The following IFNE variants were observed in gnomAD, a reference collection of about 807,000 sequenced individuals.
IFNE encodes IFN-epsilon.
For synonymous variants in IFNE, 94 were observed against 87.4 expected (o/e 1.08, Z -0.42); for missense variants, 276 against 232.4 (o/e 1.19, Z -1.22).
At position 21,481,481 on chromosome 9, in the gene IFNE, A is replaced by ACTG. The variant is rs756831099; in HGVS notation, c.211_213dup (p.Gln71dup). ...ATGGCCAGAGTGTGTCCTTTTTGGTACTGCTGAGGACTCAAAGACTTCTGA... is the reference window on the plus strand; with the variant it reads ...ATGGCCAGAGTGTGTCCTTTTTGGTACTGCTGCTGAGGACTCAAAGACTTCTGA... On this transcript the variant is annotated inframe_insertion, in exon 1 of 1. Coordinates refer to ENST00000448696, the MANE Select transcript of IFNE (RefSeq NM_176891.5). The ACTG allele has an allele frequency of 1.2e-6, 2 of 1,614,100 alleles. No homozygotes were observed. Among genetic ancestry groups the ACTG allele is most frequent in the Non-Finnish European group, 8.5e-7 (1 of 1,179,986 alleles).
chr9:21,481,723 T>A lies in IFNE; in HGVS notation c.-29A>T. The A allele has an allele frequency of 6.4e-7, 1 of 1,567,890 alleles. No individual in the cohort carries two copies. Among genetic ancestry groups the A allele is most frequent in the Non-Finnish European group, 8.6e-7 (1 of 1,158,286 alleles). On this transcript the variant is annotated 5_prime_UTR_variant, in exon 1 of 1. Transcript: ENST00000448696. Reference sequence around the variant, plus strand: ...GAAGGTCAAATATGCTACTTATCCCTGCATAGACTTAGGGAAATTCCAGCT... The same window carrying A: ...GAAGGTCAAATATGCTACTTATCCCAGCATAGACTTAGGGAAATTCCAGCT...
Position 21,481,840 on chromosome 9 carries a change from T to C in IFNE, c.-146A>G. 1.4e-6 allele frequency: 1 copy of C among 718,692 alleles called. No individual in the cohort carries two copies. Among genetic ancestry groups the C allele is most frequent in the Non-Finnish European group, 2.3e-6 (1 of 435,558 alleles). The allele number at this position is 718,692 out of a possible 1,614,324, so 44.5% of individuals were successfully genotyped here. A position where few individuals can be genotyped will look rare whatever the true frequency, so the allele number is the denominator to read the frequency against. Reference sequence around the variant, plus strand: ...TTTTCTAATGTCATTTCTCCAAGTTTACACATTAGATTTTCAGGTTCCCTT... The same window carrying C: ...TTTTCTAATGTCATTTCTCCAAGTTCACACATTAGATTTTCAGGTTCCCTT... On this transcript the variant is annotated 5_prime_UTR_variant, in exon 1 of 1. Transcript: ENST00000448696.
At position 21,481,029 on chromosome 9, in the gene IFNE, T is replaced by C; in HGVS notation, c.*39A>G. Reference sequence around the variant, plus strand: ...TACTATAAATTGTATTACCACTCTATGAAGAATCATGTCTGGAGAAGTCCT... The same window carrying C: ...TACTATAAATTGTATTACCACTCTACGAAGAATCATGTCTGGAGAAGTCCT... On this transcript the variant is annotated 3_prime_UTR_variant, in exon 1 of 1. Coordinates refer to ENST00000448696, the MANE Select transcript of IFNE (RefSeq NM_176891.5). 7 of 1,496,974 alleles carry C rather than the reference T, an allele frequency of 4.7e-6. No homozygotes were observed. The highest frequency in any genetic ancestry group is 6.3e-6 in the Non-Finnish European group (7 of 1,109,176). The allele number at this position is 1,496,974 out of a possible 1,614,324, so 92.7% of individuals were successfully genotyped here.
In IFNE at chr9:21,481,828, T is replaced by C; in HGVS notation, c.-134A>G. Reference sequence around the variant, plus strand: ...TTGTTGCTTTCGTTTTCTAATGTCATTTCTCCAAGTTTACACATTAGATTT... The same window carrying C: ...TTGTTGCTTTCGTTTTCTAATGTCACTTCTCCAAGTTTACACATTAGATTT... On this transcript the variant is annotated 5_prime_UTR_variant, in exon 1 of 1. An upstream start codon of the reference 5' UTR is lost. Transcript: ENST00000448696. 5.2e-6 allele frequency: 4 copies of C among 775,048 alleles called. No individual in the cohort carries two copies. The highest frequency in any genetic ancestry group is 8.3e-6 in the Non-Finnish European group (4 of 483,690). 48.0% of individuals were successfully genotyped at this position (775,048 alleles called of 1,614,324 possible).
rs558306979 is a variant in IFNE at position 21,481,550 on chromosome 9, A to T, written c.145T>A (p.Ser49Thr). The change falls in exon 1 of 1, where the codon TCA becomes ACA. Residue 49 changes from serine to threonine, a missense_variant. Transcript: ENST00000448696. ...LKLLNKLQTL[S>T]IQQCLPHRKN... Reference sequence around the variant, plus strand: ...CTGTGTGGTAGACACTGCTGAATTGACAAGGTTTGCAACTTATTCAAGAGT... The same window carrying T: ...CTGTGTGGTAGACACTGCTGAATTGTCAAGGTTTGCAACTTATTCAAGAGT... The T allele has an allele frequency of 6.2e-7, 1 of 1,614,120 alleles. No individual in the cohort carries two copies. Among genetic ancestry groups the T allele is most frequent in the African/African-American group, 1.3e-5 (1 of 75,052 alleles).
Position 21,481,535 on chromosome 9 carries a change from G to A in IFNE, c.160C>T (p.Leu54=), listed in dbSNP as rs1819043441. ...KLQTLSIQQC[L]PHRKNFLLPQ... The stretch of plus-strand genomic sequence containing the variant: ...AGCAGAAAGTTTTTCCTGTGTGGTA[G>A]ACACTGCTGAATTGACAAGGTTTGC... The change falls in exon 1 of 1, where the codon CTA becomes TTA. Residue 54 remains leucine, a synonymous_variant. Coordinates refer to ENST00000448696, the MANE Select transcript of IFNE (RefSeq NM_176891.5). 6.2e-7 allele frequency: 1 copy of A among 1,613,958 alleles called. No homozygotes were observed. The highest frequency in any genetic ancestry group is 1.7e-5 in the Admixed American group (1 of 60,004).
Position 21,482,126 on chromosome 9 carries a change from T to TA in IFNE, c.-433dup, listed in dbSNP as rs34814436. The TA allele has an allele frequency of 0.26, 43,457 of 168,634 alleles. 6,099 individuals carry two copies. The highest frequency in any genetic ancestry group is 0.33 in the Middle Eastern group (101 of 302). The allele number at this position is 168,634 out of a possible 1,614,324, so 10.4% of individuals were successfully genotyped here. Reference sequence around the variant, plus strand: ...TAATAGTCTTTCATGGAGTAAAACTTACCAAAGGCTTATCAGCACCTATAA... The same window carrying TA: ...TAATAGTCTTTCATGGAGTAAAACTTAACCAAAGGCTTATCAGCACCTATAA... On this transcript the variant is annotated 5_prime_UTR_variant, in exon 1 of 1. Transcript: ENST00000448696.
chr9:21,481,962 G>T lies in IFNE; in HGVS notation c.-268C>A. On this transcript the variant is annotated 5_prime_UTR_variant, in exon 1 of 1. Transcript: ENST00000448696. ...CTTATTCATTGTATGCTTTCCTTGA[G>T]GCAATTACAGACTAGTCATCCAACA... is the stretch of plus-strand genomic sequence containing the variant. The T allele has an allele frequency of 2.6e-6, 1 of 377,648 alleles. No individual in the cohort carries two copies. The allele number at this position is 377,648 out of a possible 1,614,324, so 23.4% of individuals were successfully genotyped here.
Position 21,481,479 on chromosome 9 carries a change from G to A in IFNE, c.216C>T (p.Tyr72=), listed in dbSNP as rs528864482. ...LPQKSLSPQQ[Y]QKGHTLAILH... ...GAATGGCCAGAGTGTGTCCTTTTTG[G>A]TACTGCTGAGGACTCAAAGACTTCT... Residue 72 remains tyrosine, a synonymous_variant, in exon 1 of 1, where the codon TAC becomes TAT. Transcript: ENST00000448696. 6.2e-7 allele frequency: 1 copy of A among 1,614,068 alleles called. No homozygotes were observed. The highest frequency in any genetic ancestry group is 1.3e-5 in the African/African-American group (1 of 75,036).
At position 21,481,572 on chromosome 9, in the gene IFNE, G is replaced by A. The variant is rs1318530759; in HGVS notation, c.123C>T (p.Leu41=). The change falls in exon 1 of 1, where the codon CTC becomes CTT. Residue 41 remains leucine, a synonymous_variant. Transcript: ENST00000448696. The stretch of plus-strand genomic sequence containing the variant: ...TTGACAAGGTTTGCAACTTATTCAA[G>A]AGTTTTAAACTTTCTTGATTCACTT... The part of the protein sequence containing the change: ...QRQVNQESLK[L]LNKLQTLSIQ... 3.1e-6 allele frequency: 5 copies of A among 1,613,988 alleles called. No individual in the cohort carries two copies. The highest frequency in any genetic ancestry group is 1.3e-5 in the African/African-American group (1 of 74,918).
Position 21,480,906 on chromosome 9 carries a change from TA to T in IFNE, c.*161del. ...AACAATTTAAAATGGATAGAATATA[TA>T]AAGCCACATTACAAAATAAAAACAA... On this transcript the variant is annotated 3_prime_UTR_variant, in exon 1 of 1. Coordinates refer to ENST00000448696, the MANE Select transcript of IFNE (RefSeq NM_176891.5). 1 of 557,696 alleles carries T rather than the reference TA, an allele frequency of 1.8e-6. No individual in the cohort carries two copies. Among genetic ancestry groups the T allele is most frequent in the Non-Finnish European group, 3.1e-6 (1 of 326,244 alleles). 34.5% of individuals were successfully genotyped at this position (557,696 alleles called of 1,614,324 possible). A position where few individuals can be genotyped will look rare whatever the true frequency, so the allele number is the denominator to read the frequency against.
In IFNE at chr9:21,482,178, CCTA is replaced by C. The variant is rs1819063857; in HGVS notation, c.-487_-485del. 1 of 167,110 alleles carries C rather than the reference CCTA, an allele frequency of 6.0e-6. No homozygotes were observed. Among genetic ancestry groups the C allele is most frequent in the Non-Finnish European group, 1.5e-5 (1 of 68,238 alleles). 10.4% of individuals were successfully genotyped at this position (167,110 alleles called of 1,614,324 possible). A position where few individuals can be genotyped will look rare whatever the true frequency, so the allele number is the denominator to read the frequency against. ...GAATTCAGGGGCAAAACTTAAAATA[CCTA>C]CAAACTACTAAATTTAAAACCTCAA... On this transcript the variant is annotated 5_prime_UTR_variant, in exon 1 of 1. Transcript: ENST00000448696.
chr9:21,481,542 C>T lies in IFNE; in HGVS notation c.153G>A (p.Gln51=), dbSNP rs770985494. The T allele has an allele frequency of 6.2e-7, 1 of 1,614,100 alleles. No homozygotes were observed. The highest frequency in any genetic ancestry group is 1.7e-5 in the Admixed American group (1 of 60,028). ...AGTTTTTCCTGTGTGGTAGACACTG[C>T]TGAATTGACAAGGTTTGCAACTTAT... ...LLNKLQTLSI[Q]QCLPHRKNFL... Residue 51 remains glutamine, a synonymous_variant, in exon 1 of 1, where the codon CAG becomes CAA. Transcript: ENST00000448696.
Position 21,481,897 on chromosome 9 carries a change from T to A in IFNE, c.-203A>T, listed in dbSNP as rs1223511514. On this transcript the variant is annotated 5_prime_UTR_variant, in exon 1 of 1. The change creates a premature stop within an existing upstream ORF in the 5' untranslated region. Transcript: ENST00000448696. ...GTGTTCAGAGTACATTTTCTCCATT[T>A]CCCTATTGTGTTGGCTATTTTGAGG... is the stretch of plus-strand genomic sequence containing the variant. 7.1e-6 allele frequency: 4 copies of A among 561,730 alleles called. No individual in the cohort carries two copies. The highest frequency in any genetic ancestry group is 1.3e-5 in the Non-Finnish European group (4 of 314,116). 34.8% of individuals were successfully genotyped at this position (561,730 alleles called of 1,614,324 possible).
At position 21,481,758 on chromosome 9, in the gene IFNE, G is replaced by A; in HGVS notation, c.-64C>T. On this transcript the variant is annotated 5_prime_UTR_variant, in exon 1 of 1. Coordinates refer to ENST00000448696, the MANE Select transcript of IFNE (RefSeq NM_176891.5). The stretch of plus-strand genomic sequence containing the variant: ...TAGGGAAATTCCAGCTCTAGTGAAT[G>A]TTTGCCTTTCATGCATCTCAGATTA... 1 of 1,433,360 alleles carries A rather than the reference G, an allele frequency of 7.0e-7. No homozygotes were observed. The highest frequency in any genetic ancestry group is 9.5e-7 in the Non-Finnish European group (1 of 1,055,920). The allele number at this position is 1,433,360 out of a possible 1,614,324, so 88.8% of individuals were successfully genotyped here. A position where few individuals can be genotyped will look rare whatever the true frequency, so the allele number is the denominator to read the frequency against.
rs1819055753 is a variant in IFNE at position 21,481,762 on chromosome 9, G to A, written c.-68C>T. ...GAAATTCCAGCTCTAGTGAATGTTT[G>A]CCTTTCATGCATCTCAGATTATTTT... On this transcript the variant is annotated 5_prime_UTR_variant, in exon 1 of 1. It introduces an in-frame stop codon into an upstream open reading frame of the 5' UTR. Coordinates refer to ENST00000448696, the MANE Select transcript of IFNE (RefSeq NM_176891.5). 2 of 1,348,610 alleles carry A rather than the reference G, an allele frequency of 1.5e-6. No homozygotes were observed. The highest frequency in any genetic ancestry group is 2.0e-6 in the Non-Finnish European group (2 of 979,754). The allele number at this position is 1,348,610 out of a possible 1,614,324, so 83.5% of individuals were successfully genotyped here. A position where few individuals can be genotyped will look rare whatever the true frequency, so the allele number is the denominator to read the frequency against.
rs1586996541 is a variant in IFNE at position 21,481,973 on chromosome 9, A to G, written c.-279T>C. The G allele has an allele frequency of 2.8e-6, 1 of 353,612 alleles. No individual in the cohort carries two copies. Among genetic ancestry groups the G allele is most frequent in the East Asian group, 5.7e-5 (1 of 17,554 alleles). The allele number at this position is 353,612 out of a possible 1,614,324, so 21.9% of individuals were successfully genotyped here. A position where few individuals can be genotyped will look rare whatever the true frequency, so the allele number is the denominator to read the frequency against. On this transcript the variant is annotated 5_prime_UTR_variant, in exon 1 of 1. Coordinates refer to ENST00000448696, the MANE Select transcript of IFNE (RefSeq NM_176891.5). ...TATGCTTTCCTTGAGGCAATTACAG[A>G]CTAGTCATCCAACATAATCTTTTAT...
rs759800001 is a variant in IFNE, at chr9:21,481,463, G to C, written c.232C>G (p.Leu78Val). ...TGAAGCATCTCATGGAGAATGGCCA[G>C]AGTGTGTCCTTTTTGGTACTGCTGA... ...SPQQYQKGHT[L>V]AILHEMLQQI... The change falls in exon 1 of 1, where the codon CTG becomes GTG. Residue 78 changes from leucine to valine, a missense_variant. Leu to Val is a conservative substitution (Grantham distance 32). Transcript: ENST00000448696. 6.2e-7 allele frequency: 1 copy of C among 1,614,130 alleles called. No individual in the cohort carries two copies. The highest frequency in any genetic ancestry group is 1.1e-5 in the South Asian group (1 of 91,078).
chr9:21,481,424 G>A lies in IFNE; in HGVS notation c.271C>T (p.Leu91Phe), dbSNP rs533254207. Residue 91 changes from leucine to phenylalanine, a missense_variant, in exon 1 of 1, where the codon CTC (leucine) becomes TTC (phenylalanine). Physicochemically the swap from Leu to Phe is conservative, Grantham distance 22 (BLOSUM62 0). Coordinates refer to ENST00000448696, the MANE Select transcript of IFNE (RefSeq NM_176891.5). ...LHEMLQQIFS[L>F]FRANISLDGW... ...TCCAGAGAAATATTTGCCCTGAAGAGGCTGAAGATCTGCTGAAGCATCTCA... is the reference window on the plus strand; with the variant it reads ...TCCAGAGAAATATTTGCCCTGAAGAAGCTGAAGATCTGCTGAAGCATCTCA... 11 of 1,614,138 alleles carry A rather than the reference G, an allele frequency of 6.8e-6. No individual in the cohort carries two copies. In the African/African-American group the frequency reaches 1.3e-4, roughly 20 times the overall value.
Sources: gnomAD v4.1 joint callset for allele counts on GRCh38, gnomAD v4.1.1 for gene constraint, MANE v1.5 for transcripts, NCBI Gene and HGNC (gene_info 2026-07-23, HGNC 2026-07-21) for gene names.